The following TIMM21 variants were observed in gnomAD, a reference collection of about 807,000 sequenced individuals.
TIMM21 encodes mitochondrial import inner membrane translocase subunit Tim21.
In TIMM21, 30 loss-of-function variants were observed where a neutral mutation model predicts 27.7. The ratio of observed to expected loss-of-function variants is 1.08; its 90% confidence interval spans 0.81 to 1.47. TIMM21 has a LOEUF of 1.47. TIMM21 is among the 40% of genes most tolerant of loss of function. The probability of loss-of-function intolerance (pLI) is 0.00; values close to 1 mark genes in which losing one functional copy is unlikely to be tolerated. For missense variants in TIMM21, 292 were observed against 302.9 expected (o/e 0.96, Z 0.27); for synonymous variants, 121 against 114.4 (o/e 1.06, Z -0.37).
In TIMM21 at chr18:74,158,427, T is replaced by C; in HGVS notation, c.694T>C (p.Ser232Pro). 1 of 1,605,002 alleles carries C rather than the reference T, an allele frequency of 6.2e-7. No homozygotes were observed. Among genetic ancestry groups the C allele is most frequent in the Non-Finnish European group, 8.5e-7 (1 of 1,173,330 alleles). ...TCGATATATATTTGTAGAAATTGAATCTTATCCTAGAAGAACTATTATCAT... is the reference window on the plus strand; with the variant it reads ...TCGATATATATTTGTAGAAATTGAACCTTATCCTAGAAGAACTATTATCAT... ...DFRYIFVEIESYPRRTIIIED... is the reference protein window; with the variant it reads ...DFRYIFVEIEPYPRRTIIIED... Residue 232 changes from serine to proline, a missense_variant, in exon 6 of 6, where the codon TCT (serine) becomes CCT (proline). Transcript: ENST00000169551.
rs772956970 is a variant in TIMM21 at position 74,158,492 on chromosome 18, T to G, written c.*12T>G. ...CCCAAGATGATTAAAATAGGGTTTCTGATGGATGTTGAATGGCGTGGACTC... is the reference window on the plus strand; with the variant it reads ...CCCAAGATGATTAAAATAGGGTTTCGGATGGATGTTGAATGGCGTGGACTC... On this transcript the variant is annotated 3_prime_UTR_variant, in exon 6 of 6. Transcript: ENST00000169551. The G allele has an allele frequency of 8.1e-7, 1 of 1,240,772 alleles. No homozygotes were observed. Among genetic ancestry groups the G allele is most frequent in the Non-Finnish European group, 1.1e-6 (1 of 918,606 alleles). The allele number at this position is 1,240,772 out of a possible 1,614,324, so 76.9% of individuals were successfully genotyped here.
Position 74,155,174 on chromosome 18 carries a change from T to G in TIMM21, c.331T>G (p.Leu111Val). The G allele has an allele frequency of 6.2e-7, 1 of 1,614,194 alleles. No individual in the cohort carries two copies. The highest frequency in any genetic ancestry group is 2.2e-5 in the East Asian group (1 of 44,888). ...AGAAGCCGGAAGAGATTTTACCTAT[T>G]TAATAGTGGTGCTTTTTGGAATCAG... ...VKEAGRDFTY[L>V]IVVLFGISIT... is the part of the protein sequence containing the mutation. Residue 111 changes from leucine to valine, a missense_variant, in exon 2 of 6, where the codon TTA becomes GTA. By Grantham distance (32) the Leu-to-Val change is conservative. Transcript: ENST00000169551.
In TIMM21 at chr18:74,148,861, C is replaced by T. The variant is rs1568189379; in HGVS notation, c.53C>T (p.Ser18Phe). The change falls in exon 1 of 6, where the codon TCC (serine) becomes TTC (phenylalanine). Residue 18 changes from serine (S) to phenylalanine (F), a missense_variant. Coordinates refer to ENST00000169551, the MANE Select transcript of TIMM21 (RefSeq NM_014177.3). The stretch of plus-strand genomic sequence containing the variant: ...CAGTATACGGAGAAGCTGCACAGGT[C>T]CTCGGCAAAGCGATTGCTTTTGCCA... ...AVQYTEKLHRSSAKRLLLPYI... is the reference protein window; with the variant it reads ...AVQYTEKLHRFSAKRLLLPYI... The T allele has an allele frequency of 1.2e-6, 2 of 1,614,112 alleles. No individual in the cohort carries two copies. Among genetic ancestry groups the T allele is most frequent in the Admixed American group, 1.7e-5 (1 of 60,014 alleles).
chr18:74,155,606 T>G, intron 3 of TIMM21: 1 of 549,348 alleles, frequency 1.8e-6, no homozygotes, highest in Non-Finnish European at 3.2e-6. Context: ...TTCATGCTAA[T>G]TGTACAAGAC....
intron 3 of TIMM21, 84 bp from the exon 4 acceptor site, chr18:74,157,930 C>T: frequency 8.2e-6 from 12 of 1,465,898 alleles, no homozygotes; most frequent in South Asian, 5.0e-5. Flanking sequence ...TTTTTTTTTC[C>T]TAAAATCATC....
chr18:74,154,132 T>C lies in TIMM21; in HGVS notation c.302-1013T>C, dbSNP rs1979882783. On this transcript the variant is annotated intron_variant, in intron 1 of 5. Transcript: ENST00000169551. ...CGCTAAGCAAGGCAGGAATGAAATGTTGGGAGGGACAATCGGGAATCTAGG... is the reference window on the plus strand; with the variant it reads ...CGCTAAGCAAGGCAGGAATGAAATGCTGGGAGGGACAATCGGGAATCTAGG... Among the ~76,000 whole-genome samples the C allele has an allele frequency of 2.0e-5, 3 of 152,324 alleles. No homozygotes were observed. In the South Asian group the frequency reaches 6.2e-4, roughly 32 times the overall value.
chr18:74,148,576 G>T lies in TIMM21; in HGVS notation c.-233G>T. 2.2e-6 allele frequency: 1 copy of T among 451,176 alleles called. No individual in the cohort carries two copies. The allele number at this position is 451,176 out of a possible 1,614,324, so 27.9% of individuals were successfully genotyped here. The stretch of plus-strand genomic sequence containing the variant: ...CACTGTGAATGTCAGCCCAGAAGGT[G>T]ATCAGAGCCTGTTAATTAAAATGGA... On this transcript the variant is annotated 5_prime_UTR_variant, in exon 1 of 6. Coordinates refer to ENST00000169551, the MANE Select transcript of TIMM21 (RefSeq NM_014177.3).
chr18:74,149,791 T>C (rs1264213608), intron 1 of TIMM21, among the ~76,000 whole-genome samples: 1 of 152,212 alleles, frequency 6.6e-6, no homozygotes, highest in African/African-American at 2.4e-5. Context: ...GAACAACCTG[T>C]ATGCAGAGGT....
In TIMM21 at chr18:74,148,918, C is replaced by T; in HGVS notation, c.110C>T (p.Thr37Ile). The change falls in exon 1 of 6, where the codon ACT becomes ATT. Residue 37 changes from threonine (T) to isoleucine (I), a missense_variant. Transcript: ENST00000169551. ...GTGCTTAACAAAGCGTGCTTGAAGACTGAGCCCAGTTTGAGATGTGGGCTT... is the reference window on the plus strand; with the variant it reads ...GTGCTTAACAAAGCGTGCTTGAAGATTGAGCCCAGTTTGAGATGTGGGCTT... Reference protein sequence around the residue: ...YIVLNKACLKTEPSLRCGLQY... With the variant: ...YIVLNKACLKIEPSLRCGLQY... The T allele has an allele frequency of 6.2e-7, 1 of 1,614,202 alleles. No individual in the cohort carries two copies. The highest frequency in any genetic ancestry group is 8.5e-7 in the Non-Finnish European group (1 of 1,180,046).
At position 74,156,676 on chromosome 18, in the gene TIMM21, A is replaced by C. The variant is rs939964388; in HGVS notation, c.462+1273A>C. ...AGGACGCATCTCTGGAAAGAGATGA[A>C]GAGTTGCTGTTTTATTCGCAAACTC... is the stretch of plus-strand genomic sequence containing the variant. On this transcript the variant is annotated intron_variant, in intron 3 of 5. Coordinates refer to ENST00000169551, the MANE Select transcript of TIMM21 (RefSeq NM_014177.3). 6 of 171,792 alleles carry C rather than the reference A, an allele frequency of 3.5e-5. No homozygotes were observed. In the Admixed American group the frequency reaches 3.8e-4, roughly 11 times the overall value. The allele number at this position is 171,792 out of a possible 1,614,324, so 10.6% of individuals were successfully genotyped here. A position where few individuals can be genotyped will look rare whatever the true frequency, so the allele number is the denominator to read the frequency against.
intron 1 of TIMM21, among the ~76,000 whole-genome samples, chr18:74,151,583 CTG>C (rs1568190704): frequency 6.6e-6 from 1 of 152,316 alleles, no homozygotes; most frequent in South Asian, 2.1e-4. Flanking sequence ...AAAGATGTAA[CTG>C]TGGCTTCCTT....
chr18:74,154,711 T>C (rs1979903456), intron 1 of TIMM21, among the ~76,000 whole-genome samples: 1 of 152,208 alleles, frequency 6.6e-6, no homozygotes, highest in Admixed American at 6.5e-5. Flanking sequence ...TGGCCAACCA[T>C]ATTCCTACTC....
At chr18:74,150,864 A>G (rs1170926127) in intron 1 of TIMM21, among the ~76,000 whole-genome samples, 1 of 152,214 alleles carries the variant, frequency 6.6e-6, no homozygotes, top group Non-Finnish European at 1.5e-5. Context: ...TAGATGTGAT[A>G]TCATTTTTAA....
At chr18:74,153,241 A>G (rs1414615301) in intron 1 of TIMM21, among the ~76,000 whole-genome samples, 1 of 152,246 alleles carries the variant, frequency 6.6e-6, no homozygotes, top group Admixed American at 6.5e-5. Flanking sequence ...AAATTTTTCA[A>G]GTGTGTAGAA....
In TIMM21 at chr18:74,152,501, C is replaced by T. The variant is rs879739725; in HGVS notation, c.302-2644C>T. 6.6e-6 allele frequency among the ~76,000 whole-genome samples: 1 copy of T among 152,172 alleles called. No homozygotes were observed. Among genetic ancestry groups the T allele is most frequent in the Admixed American group, 6.5e-5 (1 of 15,272 alleles). On this transcript the variant is annotated intron_variant, in intron 1 of 5. Coordinates refer to ENST00000169551, the MANE Select transcript of TIMM21 (RefSeq NM_014177.3). The surrounding 1 kb of genome is among the most constrained non-coding windows in gnomAD (Gnocchi z 4.1). ...TAAGTCCTTAAAATTGCTGATTCCT[C>T]CTAAACTCCCAGAATAACACATCAG... is the stretch of plus-strand genomic sequence containing the variant.
At chr18:74,151,949 CGGG>C (rs59810027) in intron 1 of TIMM21, among the ~76,000 whole-genome samples, 1 of 143,830 alleles carries the variant, frequency 7.0e-6, no homozygotes, top group African/African-American at 2.7e-5. Flanking sequence ...CCCCCCCCCC[CGGG>C]GGGACCTCCA....
chr18:74,149,031 G>GC lies in TIMM21; in HGVS notation c.224dup (p.Glu77GlyfsTer63). The stretch of plus-strand genomic sequence containing the variant: ...GACGCAGGGACCGAGCCCCCGAAAA[G>GC]CAAAGGAGGATGGCAGCAAACAAGT... On this transcript the variant is annotated frameshift_variant, in exon 1 of 6. Coordinates refer to ENST00000169551, the MANE Select transcript of TIMM21 (RefSeq NM_014177.3). LOFTEE classifies it high-confidence loss of function. 6.2e-7 allele frequency: 1 copy of GC among 1,614,154 alleles called. No homozygotes were observed. The highest frequency in any genetic ancestry group is 8.5e-7 in the Non-Finnish European group (1 of 1,180,042).
In TIMM21 at chr18:74,158,241, G is replaced by A. The variant is rs755077960; in HGVS notation, c.607G>A (p.Gly203Arg). The change falls in exon 5 of 6, where the codon GGG (glycine) becomes AGG (arginine). Residue 203 changes from glycine (G) to arginine (R), a missense_variant. Physicochemically the swap from Gly to Arg is moderately radical, Grantham distance 125. Transcript: ENST00000169551. Reference sequence around the variant, plus strand: ...ATTCTACATTGAGGGCTCTGAGCCAGGGAAGCAAGGAACGGTGTATGCGCA... The same window carrying A: ...ATTCTACATTGAGGGCTCTGAGCCAAGGAAGCAAGGAACGGTGTATGCGCA... ...VKFYIEGSEP[G>R]KQGTVYAQVK... is the part of the protein sequence containing the mutation. 5 of 1,614,198 alleles carry A rather than the reference G, an allele frequency of 3.1e-6. No homozygotes were observed. The African/African-American group carries it at 6.7e-5, about 22-fold the overall frequency.
In TIMM21 at chr18:74,149,989, C is replaced by T. The variant is rs549680229; in HGVS notation, c.301+880C>T. On this transcript the variant is annotated intron_variant, in intron 1 of 5. Coordinates refer to ENST00000169551, the MANE Select transcript of TIMM21 (RefSeq NM_014177.3). ...ACATTCCCAAATATGGAATATGCTG[C>T]GTCCAGAATTCAAACAGGCCTATGA... 4.6e-5 allele frequency among the ~76,000 whole-genome samples: 7 copies of T among 152,246 alleles called. No individual in the cohort carries two copies. In the South Asian group the frequency reaches 1.0e-3, roughly 23 times the overall value.
Sources: allele counts gnomAD v4.1 joint callset (sites outside exome capture counted in the v4.1 genomes callset), GRCh38; gene constraint gnomAD v4.1.1; non-coding constraint Gnocchi (gnomAD v3.1); transcripts MANE v1.5; gene names NCBI Gene and HGNC (gene_info 2026-07-23, HGNC 2026-07-21).